Variants in PLPPR5 observed in about 807,000 individuals in gnomAD.
PLPPR5 encodes phospholipid phosphatase-related protein type 5.
A neutral mutation model predicts 33.9 loss-of-function variants in PLPPR5; 16 were observed. That is an observed-to-expected ratio of 0.47 (90% CI 0.32 to 0.72). The LOEUF (loss-of-function observed/expected upper bound fraction) is 0.72, where lower values mean the gene tolerates loss of function less well. Ranked by LOEUF, PLPPR5 falls within the 30% of genes least tolerant of loss-of-function variation. The pLI is 0.03. For missense variants in PLPPR5, 301 were observed against 406.7 expected, an observed-to-expected ratio of 0.74 and a Z score of 2.23; for synonymous variants, 163 against 150.3, an observed-to-expected ratio of 1.08 and a Z score of -0.62.
intron 1 of PLPPR5, among the ~76,000 whole-genome samples, chr1:98,993,515 A>G (rs990204968): frequency 1.3e-5 from 2 of 152,108 alleles, no homozygotes; most frequent in African/African-American, 4.8e-5. Flanking sequence ...TCTTCATTCA[A>G]TTTAGTAACT....
intron 1 of PLPPR5, among the ~76,000 whole-genome samples, chr1:98,989,848 T>C (rs1652387350): frequency 6.6e-6 from 1 of 152,180 alleles, no homozygotes; most frequent in South Asian, 2.1e-4. Context: ...TATGTCTATA[T>C]AACCAGACTC....
intron 1 of PLPPR5, among the ~76,000 whole-genome samples, chr1:98,961,449 A>G (rs1194655380): frequency 6.6e-6 from 1 of 152,224 alleles, no homozygotes; most frequent in Non-Finnish European, 1.5e-5. Context: ...CACAGTAGGT[A>G]GCACTTGGTA....
At chr1:98,933,193 TAAAAA>T (rs879430958) in intron 3 of PLPPR5, among the ~76,000 whole-genome samples, 1 of 143,812 alleles carries the variant, frequency 7.0e-6, no homozygotes. Flanking sequence ...GAGGGCTTTT[TAAAAA>T]AAAAAAAAAG....
At chr1:98,900,349 G>C (rs2101134961) in intron 5 of PLPPR5, among the ~76,000 whole-genome samples, 1 of 152,098 alleles carries the variant, frequency 6.6e-6, no homozygotes, top group South Asian at 2.1e-4. Context: ...TGGTCCTGAA[G>C]ATCTCCCCTA....
chr1:98,914,559 T>C (rs1022198276), intron 5 of PLPPR5, among the ~76,000 whole-genome samples: 1 of 152,144 alleles, frequency 6.6e-6, no homozygotes, highest in Non-Finnish European at 1.5e-5. Context: ...AGAGCTGGGA[T>C]TGATTACAGG....
chr1:98,945,248 T>A (rs1650509975), intron 3 of PLPPR5, among the ~76,000 whole-genome samples: 1 of 152,218 alleles, frequency 6.6e-6, no homozygotes, highest in Non-Finnish European at 1.5e-5. Flanking sequence ...TAAAGAACAA[T>A]TAAAATCCAA....
intron 5 of PLPPR5, among the ~76,000 whole-genome samples, chr1:98,906,927 T>C (rs1648921077): frequency 6.6e-6 from 1 of 152,202 alleles, no homozygotes; most frequent in Non-Finnish European, 1.5e-5. Context: ...ATGTCCTCCA[T>C]ATCTATGATC....
intron 3 of PLPPR5, among the ~76,000 whole-genome samples, chr1:98,929,495 A>G (rs115324489): frequency 0.013 from 2,052 of 152,320 alleles, 18 homozygotes; most frequent in Non-Finnish European, 0.017. Flanking sequence ...TTTATCCTGT[A>G]GCTGATGTCC....
chr1:98,908,285 G>C (rs753486800), intron 5 of PLPPR5, among the ~76,000 whole-genome samples: 1 of 152,006 alleles, frequency 6.6e-6, no homozygotes, highest in Non-Finnish European at 1.5e-5. Context: ...CCTAAAACTG[G>C]ATTTATTTAT....
intron 1 of PLPPR5, among the ~76,000 whole-genome samples, chr1:98,972,614 ATTGAAC>A (rs1651700343): frequency 6.6e-6 from 1 of 152,122 alleles, no homozygotes; most frequent in Admixed American, 6.6e-5. Flanking sequence ...ATAATTATTA[ATTGAAC>A]TTAAACTTAT....
chr1:99,000,995 G>C (rs1346915556), intron 1 of PLPPR5, among the ~76,000 whole-genome samples: 1 of 152,004 alleles, frequency 6.6e-6, no homozygotes, highest in Non-Finnish European at 1.5e-5. Flanking sequence ...AACTCTTATG[G>C]AGTATCAACT....
intron 1 of PLPPR5, among the ~76,000 whole-genome samples, chr1:98,968,316 G>A (rs973882727): frequency 1.3e-5 from 2 of 151,930 alleles, no homozygotes; most frequent in Admixed American, 6.6e-5. Flanking sequence ...TCAAAAGAGC[G>A]AGCTTATAAT....
chr1:98,959,737 C>G (rs568711059), intron 1 of PLPPR5, among the ~76,000 whole-genome samples: 1 of 152,188 alleles, frequency 6.6e-6, no homozygotes, highest in Non-Finnish European at 1.5e-5. Context: ...TTTTCCAAAC[C>G]TCAATTCCAA....
intron 1 of PLPPR5, among the ~76,000 whole-genome samples, chr1:98,977,466 G>A (rs1329471): frequency 0.018 from 2,640 of 150,290 alleles, 85 homozygotes; most frequent in African/African-American, 0.062. Context: ...TTGGTTCTAT[G>A]AATGTATGCT....
At chr1:99,000,685 ATC>A (rs1652806636) in intron 1 of PLPPR5, among the ~76,000 whole-genome samples, 1 of 152,204 alleles carries the variant, frequency 6.6e-6, no homozygotes, top group South Asian at 2.1e-4. Flanking sequence ...AACAAAAGTG[ATC>A]TATCTCCTCC....
intron 5 of PLPPR5, among the ~76,000 whole-genome samples, chr1:98,907,165 T>C (rs923253731): frequency 6.6e-6 from 1 of 152,012 alleles, no homozygotes; most frequent in East Asian, 1.9e-4. Context: ...GGAAAGAAGA[T>C]GCTATCTAAA....
At chr1:98,983,464 C>T (rs1307175884) in intron 1 of PLPPR5, among the ~76,000 whole-genome samples, 2 of 135,662 alleles carry the variant, frequency 1.5e-5, no homozygotes, top group South Asian at 5.2e-4. Flanking sequence ...ATATGTGCCA[C>T]ATTTTCTTAA....
intron 1 of PLPPR5, among the ~76,000 whole-genome samples, chr1:99,002,940 GGCCCCCA>G (rs1557700030): frequency 1.3e-5 from 2 of 149,592 alleles, no homozygotes; most frequent in Non-Finnish European, 3.0e-5. Context: ...AAGTAAAAAG[GGCCCCCA>G]AAAATCGACC....
intron 1 of PLPPR5, among the ~76,000 whole-genome samples, chr1:98,997,885 TA>T (rs1652684120): frequency 6.6e-6 from 1 of 152,112 alleles, no homozygotes; most frequent in African/African-American, 2.4e-5. Flanking sequence ...AATAAGTCAA[TA>T]TTTTTCAGAT....
Sources: gnomAD v4.1 joint callset for allele counts (sites outside exome capture counted in the v4.1 genomes callset) on GRCh38, gnomAD v4.1.1 for gene constraint, MANE v1.5 for transcripts, NCBI Gene and HGNC (gene_info 2026-07-23, HGNC 2026-07-21) for gene names.